Variants in NLRP2 observed in about 807,000 individuals in gnomAD.
NLRP2 encodes the protein NACHT, LRR and PYD domains-containing protein 2.
Under a neutral mutation model 97.2 loss-of-function variants are expected in NLRP2, and 107 were observed. The observed-to-expected ratio is 1.10, with a 90% CI of 0.94 to 1.29. The LOEUF (loss-of-function observed/expected upper bound fraction) is 1.29, where lower values mean the gene tolerates loss of function less well. Ranked by LOEUF, NLRP2 falls within the 50% of genes most tolerant of loss-of-function variation. The pLI is 0.00. For missense variants in NLRP2, 1,495 were observed against 1,330.3 expected (o/e 1.12, Z -1.93); for synonymous variants, 663 against 551.5 (o/e 1.20, Z -2.83).
chr19:54,996,067 G>C (rs200107342), intron 11 of NLRP2, among the ~76,000 whole-genome samples: 13,152 of 128,832 alleles, frequency 0.1, 960 homozygotes, highest in Middle Eastern at 0.25. Context: ...AAAAAACAAA[G>C]GCGCCTTTTT....
chr19:54,968,971 G>T (rs974203628), intron 1 of NLRP2, among the ~76,000 whole-genome samples: 2 of 151,848 alleles, frequency 1.3e-5, no homozygotes, highest in African/African-American at 4.8e-5. Flanking sequence ...AAAGTGCTGG[G>T]ATTGCAGGCG....
At position 54,977,890 on chromosome 19, in the gene NLRP2, G is replaced by A. The variant is rs561974864; in HGVS notation, c.397+67G>A. On this transcript the variant is annotated intron_variant, in intron 4 of 12. Coordinates refer to ENST00000448584, the MANE Select transcript of NLRP2 (RefSeq NM_017852.5). ...CCCCCCGTTCTTGCTGCTATCTCCTGTTCCTTTGAAGAACCCCATCTCTCT... is the reference window on the plus strand; with the variant it reads ...CCCCCCGTTCTTGCTGCTATCTCCTATTCCTTTGAAGAACCCCATCTCTCT... 4 of 1,422,168 alleles carry A rather than the reference G, an allele frequency of 2.8e-6. No homozygotes were observed. In the South Asian group the frequency reaches 3.4e-5, roughly 12 times the overall value. The allele number at this position is 1,422,168 out of a possible 1,614,324, so 88.1% of individuals were successfully genotyped here.
chr19:54,973,344 G>GGT (rs34737733), intron 2 of NLRP2, among the ~76,000 whole-genome samples: 3 of 92,524 alleles, frequency 3.2e-5, no homozygotes, highest in African/African-American at 9.0e-5. Flanking sequence ...ATGGGTGAGG[G>GGT]TTTTTTTTTT....
chr19:54,971,170 C>T (rs1029190171), intron 2 of NLRP2, among the ~76,000 whole-genome samples: 6 of 151,438 alleles, frequency 4.0e-5, no homozygotes. Context: ...TTTATGGCTG[C>T]ATTGTATTCC....
In NLRP2 at chr19:54,985,098, A is replaced by T. The variant is rs774673024; in HGVS notation, c.2082A>T (p.Ile694=). Residue 694 remains isoleucine (I), a synonymous_variant, in exon 7 of 13, where the codon ATA becomes ATT. Coordinates refer to ENST00000448584, the MANE Select transcript of NLRP2 (RefSeq NM_017852.5). The part of the protein sequence containing the change: ...MLPFWTDLCS[I]FGSNKDLMGL... The stretch of plus-strand genomic sequence containing the variant: ...CTTTCTGGACGGACCTTTGTTCCAT[A>T]TTTGGATCAAATAAGGATCTGATGG... The T allele has an allele frequency of 1.5e-5, 24 of 1,614,132 alleles. No individual in the cohort carries two copies. Among genetic ancestry groups the T allele is most frequent in the Non-Finnish European group, 1.9e-5 (23 of 1,180,032 alleles).
intron 2 of NLRP2, among the ~76,000 whole-genome samples, chr19:54,971,480 C>T (rs1034650896): frequency 6.6e-6 from 1 of 151,984 alleles, no homozygotes; most frequent in Non-Finnish European, 1.5e-5. Context: ...CTCTCCAGCA[C>T]CTGTTGTTTC....
intron 2 of NLRP2, among the ~76,000 whole-genome samples, chr19:54,973,660 A>C (rs1334700180): frequency 6.6e-6 from 1 of 152,054 alleles, no homozygotes; most frequent in African/African-American, 2.4e-5. Context: ...AGGTGTGAGC[A>C]ACCATGCCCG....
At chr19:54,973,344 G>GTTTTTTTTTTT (rs10673643) in intron 2 of NLRP2, among the ~76,000 whole-genome samples, 2 of 92,522 alleles carry the variant, frequency 2.2e-5, no homozygotes, top group African/African-American at 9.0e-5. Context: ...ATGGGTGAGG[G>GTTTTTTTTTTT]TTTTTTTTTT....
At position 54,983,264 on chromosome 19, in the gene NLRP2, A is replaced by G. The variant is rs3745905; in HGVS notation, c.1566A>G (p.Glu522=). ...TCTACACCCTGGAGAAGGAGGAGGA[A>G]GAGGATAGGGACGGCCACACCTGGG... ...ALFYTLEKEE[E]EDRDGHTWDI... is the part of the protein sequence containing the mutation. Residue 522 remains glutamate, a synonymous_variant, in exon 6 of 13, where the codon GAA becomes GAG. Coordinates refer to ENST00000448584, the MANE Select transcript of NLRP2 (RefSeq NM_017852.5). 121,886 of 1,589,428 alleles carry G rather than the reference A, an allele frequency of 0.077. 8,179 individuals are homozygous for G. The highest frequency in any genetic ancestry group is 0.22 in the East Asian group (10,074 of 44,830).
intron 3 of NLRP2, chr19:54,976,752 T>G (rs1253433341): frequency 2.3e-6 from 1 of 429,782 alleles, no homozygotes; most frequent in Non-Finnish European, 4.6e-6. Context: ...TGGACTCACC[T>G]CTTCATTATC....
intron 2 of NLRP2, among the ~76,000 whole-genome samples, chr19:54,971,618 T>G (rs535406840): frequency 2.6e-5 from 4 of 152,004 alleles, no homozygotes; most frequent in East Asian, 3.9e-4. Context: ...CATAAATGTC[T>G]TCTTTTGAGA....
chr19:54,966,085 G>T (rs1239524129), upstream of NLRP2: 1 of 151,002 alleles, frequency 6.6e-6, no homozygotes, highest in Non-Finnish European at 1.5e-5. Flanking sequence ...AGGCTTCTAA[G>T]CGGTGATTCT....
At chr19:55,000,383 TCTCCTGCCTCAGC>T (rs1359293179) in intron 12 of NLRP2, among the ~76,000 whole-genome samples, 1 of 136,194 alleles carries the variant, frequency 7.3e-6, no homozygotes, top group Non-Finnish European at 1.5e-5. Flanking sequence ...TTCACACCAT[TCTCCTGCCTCAGC>T]CTCCTGAGTA....
chr19:54,985,959 G>A (rs898824094), intron 7 of NLRP2, among the ~76,000 whole-genome samples, 192 bp from the exon 8 acceptor site: 5 of 151,850 alleles, frequency 3.3e-5, no homozygotes, highest in Non-Finnish European at 7.4e-5. Context: ...CCGAGATCGC[G>A]CCACTGCACT....
chr19:54,983,344 A>G lies in NLRP2; in HGVS notation c.1646A>G (p.Asp549Gly), dbSNP rs1361030563. 1 of 1,614,160 alleles carries G rather than the reference A, an allele frequency of 6.2e-7. No homozygotes were observed. The highest frequency in any genetic ancestry group is 8.5e-7 in the Non-Finnish European group (1 of 1,180,030). ...LSGVERLRNP[D>G]LIQAGYYSFG... Reference sequence around the variant, plus strand: ...GGAGTAGAAAGACTCAGGAACCCCGACCTGATCCAAGCAGGCTACTACTCC... The same window carrying G: ...GGAGTAGAAAGACTCAGGAACCCCGGCCTGATCCAAGCAGGCTACTACTCC... The change falls in exon 6 of 13, where the codon GAC becomes GGC. Residue 549 changes from aspartate (D) to glycine (G), a missense_variant. By Grantham distance (94) the Asp-to-Gly change is moderately conservative. Transcript: ENST00000448584.
chr19:54,991,752 C>A (rs139845656), intron 10 of NLRP2, among the ~76,000 whole-genome samples: 29 of 150,640 alleles, frequency 1.9e-4, no homozygotes, highest in Middle Eastern at 6.8e-3. Flanking sequence ...TCCTGTAATC[C>A]CAGCTACTTG....
At chr19:54,969,683 G>A (rs1335996438) in intron 1 of NLRP2, among the ~76,000 whole-genome samples, 1 of 152,002 alleles carries the variant, frequency 6.6e-6, no homozygotes, top group Non-Finnish European at 1.5e-5. Context: ...AAAATGAGTT[G>A]AGGTCTTGCT....
Position 54,985,207 on chromosome 19 carries a change from CAG to C in NLRP2, c.2196_2197del (p.Arg732SerfsTer10). On this transcript the variant is annotated frameshift_variant, in exon 7 of 13. Transcript: ENST00000448584. LOFTEE classifies it high-confidence loss of function. ...AATAGCCTCTGACACCTGTCATCTCCAGAGAGTGGTGTAAGTAGAAACTAATT... is the reference window on the plus strand; with the variant it reads ...AATAGCCTCTGACACCTGTCATCTCCAGAGTGGTGTAAGTAGAAACTAATT... ...EQIASDTCHL[Q>X]RVVFKNISPA... 7 of 1,613,922 alleles carry C rather than the reference CAG, an allele frequency of 4.3e-6. No individual in the cohort carries two copies. Among genetic ancestry groups the C allele is most frequent in the South Asian group, 1.1e-5 (1 of 91,084 alleles).
chr19:54,990,837 A>T (rs1416144389), intron 10 of NLRP2, 165 bp downstream of exon 10: 1 of 724,878 alleles, frequency 1.4e-6, no homozygotes, highest in African/African-American at 1.7e-5. Flanking sequence ...GGAAAAAAGT[A>T]TAAGTAGTAG....
Sources: gnomAD v4.1 joint callset for allele counts (sites outside exome capture counted in the v4.1 genomes callset) on GRCh38, gnomAD v4.1.1 for gene constraint, MANE v1.5 for transcripts, NCBI Gene and HGNC (gene_info 2026-07-23, HGNC 2026-07-21) for gene names.